Variants in TMEM165 observed in about 807,000 individuals in gnomAD.
The protein encoded by TMEM165 is putative divalent cation/proton antiporter TMEM165.
TMEM165 carries 19 observed loss-of-function variants against 30.0 expected under a neutral mutation model. That is an observed-to-expected ratio of 0.63 (90% CI 0.44 to 0.93). The LOEUF is 0.93. Among genes scored for constraint, TMEM165 ranks in the 40% least tolerant of loss-of-function variants. The pLI, the probability that TMEM165 is intolerant of heterozygous loss-of-function variation, is 0.00. For missense variants in TMEM165, 340 were observed against 417.0 expected, an observed-to-expected ratio of 0.82 and a Z score of 1.61; for synonymous variants, 168 against 162.9, an observed-to-expected ratio of 1.03 and a Z score of -0.24.
intron 3 of TMEM165, among the ~76,000 whole-genome samples, chr4:55,439,085 C>T (rs377127483): frequency 1.3e-5 from 2 of 152,176 alleles, no homozygotes; most frequent in Admixed American, 6.6e-5. Flanking sequence ...TCCCATCCCA[C>T]AGATGGGAGA....
chr4:55,448,163 G>A (rs1724037419), intron 3 of TMEM165, among the ~76,000 whole-genome samples: 1 of 152,152 alleles, frequency 6.6e-6, no homozygotes, highest in Admixed American at 6.5e-5. Flanking sequence ...GCATGGTATT[G>A]TAGGCATCTG....
chr4:55,419,363 A>G (rs757308822), intron 4 of TMEM165, among the ~76,000 whole-genome samples: 4 of 152,098 alleles, frequency 2.6e-5, no homozygotes, highest in Non-Finnish European at 5.9e-5. Context: ...TAAGTTCTGG[A>G]GTGGGAAGCT....
downstream of TMEM165, chr4:55,431,092 G>T (rs771308065): frequency 6.6e-6 from 1 of 152,202 alleles, no homozygotes; most frequent in African/African-American, 2.4e-5. Context: ...ATCAAAATGA[G>T]TAATTGCAAT....
intron 1 of TMEM165, among the ~76,000 whole-genome samples, 199 bp downstream of exon 1, chr4:55,396,595 G>C (rs903359164): frequency 6.6e-6 from 1 of 152,322 alleles, no homozygotes; most frequent in Middle Eastern, 3.4e-3. Context: ...GGGAAAGGGA[G>C]AGGGAGAGTC....
intron 3 of TMEM165, among the ~76,000 whole-genome samples, chr4:55,437,713 C>T (rs963840936): frequency 1.1e-4 from 17 of 152,140 alleles, no homozygotes; most frequent in Admixed American, 3.3e-4. Context: ...CCAAAGGTCA[C>T]GCAGTACGTG....
downstream of TMEM165, chr4:55,429,311 C>T (rs777497466): frequency 3.9e-5 from 6 of 152,058 alleles, no homozygotes; most frequent in South Asian, 4.1e-4. Flanking sequence ...CTTTAACTAC[C>T]GTTCTCTAAG....
chr4:55,435,408 AC>A, intron 3 of TMEM165: 1 of 1,613,878 alleles, frequency 6.2e-7, no homozygotes, highest in Non-Finnish European at 8.5e-7. Context: ...GAGAGGAAGC[AC>A]GTGTGCTACT....
intron 4 of TMEM165, among the ~76,000 whole-genome samples, chr4:55,422,044 G>T (rs1166314668): frequency 6.6e-6 from 1 of 152,176 alleles, no homozygotes; most frequent in Admixed American, 6.5e-5. Flanking sequence ...TAGCCCATGG[G>T]AACCCAGTTT....
rs1378324391 is a variant in TMEM165, at chr4:55,396,120, C to G, written c.-70C>G. ...GTGAGGACGCGCCGCGGAGGCTGTTCGGGGTCGAGGCTTCCCGTCGCCGGC... is the reference window on the plus strand; with the variant it reads ...GTGAGGACGCGCCGCGGAGGCTGTTGGGGGTCGAGGCTTCCCGTCGCCGGC... On this transcript the variant is annotated 5_prime_UTR_variant, in exon 1 of 6. Coordinates refer to ENST00000381334, the MANE Select transcript of TMEM165 (RefSeq NM_018475.5). 2 of 1,256,420 alleles carry G rather than the reference C, an allele frequency of 1.6e-6. No homozygotes were observed. Among genetic ancestry groups the G allele is most frequent in the African/African-American group, 1.6e-5 (1 of 62,880 alleles). The allele number at this position is 1,256,420 out of a possible 1,614,324, so 77.8% of individuals were successfully genotyped here.
chr4:55,435,328 A>G, intron 3 of TMEM165: 1 of 1,509,658 alleles, frequency 6.6e-7, no homozygotes, highest in East Asian at 2.3e-5. Context: ...AACTGCTGGA[A>G]CTTTCCCTCC....
intron 1 of TMEM165, among the ~76,000 whole-genome samples, chr4:55,407,080 T>C (rs1417552543): frequency 2.6e-5 from 4 of 152,250 alleles, no homozygotes; most frequent in African/African-American, 9.6e-5. Flanking sequence ...AGGCCTCCCA[T>C]ACTCATTGCC....
intron 2 of TMEM165, chr4:55,416,781 A>C (rs1721746970): frequency 4.5e-6 from 1 of 223,950 alleles, no homozygotes; most frequent in Non-Finnish European, 8.7e-6. Context: ...CTCTGACTGA[A>C]CATGCCTGGA....
chr4:55,403,384 C>T (rs780308304), intron 1 of TMEM165: 2 of 950,698 alleles, frequency 2.1e-6, no homozygotes, highest in Non-Finnish European at 2.7e-6. Context: ...TTTATTTGAA[C>T]TCTAGAACTA....
chr4:55,440,321 C>CT (rs1424186108), intron 3 of TMEM165, among the ~76,000 whole-genome samples: 1 of 152,174 alleles, frequency 6.6e-6, no homozygotes, highest in East Asian at 1.9e-4. Flanking sequence ...ATTTTTCCCT[C>CT]TTTCCCTGCT....
At chr4:55,402,967 T>C (rs1721093802) in intron 1 of TMEM165, among the ~76,000 whole-genome samples, 1 of 151,602 alleles carries the variant, frequency 6.6e-6, no homozygotes. Context: ...ATTTTTTGTA[T>C]TTTTAGTAGA....
rs183379401 is a variant in TMEM165 at position 55,413,993 on chromosome 4, G to A, written c.433+2154G>A. Among the ~76,000 whole-genome samples the A allele has an allele frequency of 2.0e-3, 297 of 152,292 alleles. 2 individuals carry two copies. The highest frequency in any genetic ancestry group is 8.5e-3 in the South Asian group (41 of 4,828). ...TGTTTTTTGAAAGGACATAGGCTGG[G>A]CGCGGTGGCTCACGCCTGTGATCCC... On this transcript the variant is annotated intron_variant, in intron 2 of 5. Transcript: ENST00000381334.
Position 55,425,490 on chromosome 4 carries a change from T to C in TMEM165, c.*38T>C. 5 of 1,469,114 alleles carry C rather than the reference T, an allele frequency of 3.4e-6. No individual in the cohort carries two copies. The highest frequency in any genetic ancestry group is 4.8e-6 in the Non-Finnish European group (5 of 1,050,658). The allele number at this position is 1,469,114 out of a possible 1,614,324, so 91.0% of individuals were successfully genotyped here. A position where few individuals can be genotyped will look rare whatever the true frequency, so the allele number is the denominator to read the frequency against. ...TCATCTATATTTAGTTTAAAATAGG[T>C]AGTATTATCTTTCTGTACATAGTGT... is the stretch of plus-strand genomic sequence containing the variant. On this transcript the variant is annotated 3_prime_UTR_variant, in exon 6 of 6. Coordinates refer to ENST00000381334, the MANE Select transcript of TMEM165 (RefSeq NM_018475.5).
intron 3 of TMEM165, among the ~76,000 whole-genome samples, chr4:55,448,564 G>GT (rs1724080424): frequency 6.6e-6 from 1 of 151,248 alleles, no homozygotes; most frequent in Admixed American, 6.6e-5. Context: ...CACTGCATCT[G>GT]TAACTATAAT....
exon 4 of TMEM165, chr4:55,452,732 G>C (rs1724577517): frequency 5.2e-6 from 1 of 194,010 alleles, no homozygotes; most frequent in Non-Finnish European, 1.1e-5. Context: ...TTTCAAAGTG[G>C]GGATATTACC....
Sources: allele counts gnomAD v4.1 joint callset (sites outside exome capture counted in the v4.1 genomes callset), GRCh38; gene constraint gnomAD v4.1.1; transcripts MANE v1.5; gene names NCBI Gene and HGNC (gene_info 2026-07-23, HGNC 2026-07-21).